The following ICA1 variants were observed in gnomAD, a reference collection of about 807,000 sequenced individuals.
ICA1 encodes 69 kDa islet cell autoantigen.
ICA1 carries 40 observed loss-of-function variants against 71.0 expected under a neutral mutation model. The observed-to-expected ratio is 0.56, with a 90% CI of 0.44 to 0.73. The LOEUF (loss-of-function observed/expected upper bound fraction) is 0.73. ICA1 is among the 30% of genes least tolerant of loss of function. The pLI is 0.00. For synonymous variants in ICA1, 207 were observed against 209.5 expected, an observed-to-expected ratio of 0.99 and a Z score of 0.10; for missense variants, 578 against 576.5, an observed-to-expected ratio of 1.00 and a Z score of -0.03.
intron 1 of ICA1, among the ~76,000 whole-genome samples, chr7:8,244,588 C>G (rs765146619): frequency 8.5e-5 from 13 of 152,126 alleles, no homozygotes; most frequent in Non-Finnish European, 2.9e-5. Flanking sequence ...AGCTTCTGCA[C>G]AGCAAAAGAA....
At chr7:8,243,349 T>A (rs1804705636) in intron 1 of ICA1, among the ~76,000 whole-genome samples, 1 of 152,190 alleles carries the variant, frequency 6.6e-6, no homozygotes, top group African/African-American at 2.4e-5. Context: ...AGAAAAGGCC[T>A]TTGACAAAAT....
At chr7:8,216,669 A>G (rs1256865423) in intron 6 of ICA1, among the ~76,000 whole-genome samples, 1 of 152,186 alleles carries the variant, frequency 6.6e-6, no homozygotes, top group East Asian at 1.9e-4. Context: ...GGAGGTGTTC[A>G]ATAAATATTA....
chr7:8,162,847 G>A (rs751992348), intron 6 of ICA1, among the ~76,000 whole-genome samples: 31 of 152,168 alleles, frequency 2.0e-4, no homozygotes, highest in African/African-American at 6.7e-4. Context: ...CACTGCAACC[G>A]CTGCCTCCTG....
At position 8,144,989 on chromosome 7, in the gene ICA1, G is replaced by A. The variant is rs1243429276; in HGVS notation, c.805-1017C>T. Among the ~76,000 whole-genome samples the A allele has an allele frequency of 1.3e-5, 2 of 152,120 alleles. No individual in the cohort carries two copies. The highest frequency in any genetic ancestry group is 4.8e-5 in the African/African-American group (2 of 41,426). On this transcript the variant is annotated intron_variant, in intron 8 of 13. Transcript: ENST00000402384. The surrounding 1 kb of genome is among the most constrained non-coding windows in gnomAD (Gnocchi z 4.5). Reference sequence around the variant, plus strand: ...GCTGACTGGAGGGCCAGTGAAGATGGTTCTCAGGCTGTGTCTCGGCAGAGC... The same window carrying A: ...GCTGACTGGAGGGCCAGTGAAGATGATTCTCAGGCTGTGTCTCGGCAGAGC...
intron 13 of ICA1, among the ~76,000 whole-genome samples, chr7:8,126,685 T>C (rs1789318712): frequency 6.6e-6 from 1 of 152,208 alleles, no homozygotes; most frequent in African/African-American, 2.4e-5. Flanking sequence ...CAGATAAACA[T>C]GCTGTTTATT....
intron 13 of ICA1, among the ~76,000 whole-genome samples, chr7:8,122,790 A>T (rs535679319): frequency 6.6e-6 from 1 of 152,368 alleles, no homozygotes; most frequent in East Asian, 1.9e-4. Flanking sequence ...ACAAAAGAAT[A>T]CCGTGAAGGA....
intron 6 of ICA1, among the ~76,000 whole-genome samples, chr7:8,202,313 C>T (rs1215732314): frequency 6.6e-6 from 1 of 152,162 alleles, no homozygotes; most frequent in African/African-American, 2.4e-5. Context: ...CACATTGAGA[C>T]AGTTATGTAA....
intron 6 of ICA1, among the ~76,000 whole-genome samples, chr7:8,166,436 G>A (rs1470850122): frequency 6.6e-6 from 1 of 152,008 alleles, no homozygotes; most frequent in Non-Finnish European, 1.5e-5. Flanking sequence ...TAACTGCTAG[G>A]CATATGCAGA....
In ICA1 at chr7:8,126,977, ATT is replaced by A. The variant is rs35052494; in HGVS notation, c.1330+894_1330+895del. Among the ~76,000 whole-genome samples the A allele has an allele frequency of 2.2e-3, 305 of 137,648 alleles. 4 individuals carry two copies. In the East Asian group the frequency reaches 0.037, roughly 17 times the overall value. 90.3% of individuals were successfully genotyped at this position (137,648 alleles called of 152,430 possible). On this transcript the variant is annotated intron_variant, in intron 13 of 13. Transcript: ENST00000402384. ...TACTGATGTTGACAACCCCTCCAGC[ATT>A]TTTTTTTTTTTTTCAGACAGAGTCT...
rs758924172 is a variant in ICA1 at position 8,113,905 on chromosome 7, C to T, written c.*18G>A. ...CTGCTGGGGGCGGCATGTGAGTGCC[C>T]TCCCGAAGGGTACAGATTCATGCAT... On this transcript the variant is annotated 3_prime_UTR_variant, in exon 14 of 14. Transcript: ENST00000402384. The surrounding 1 kb of genome is among the most constrained non-coding windows in gnomAD (Gnocchi z 4.2). The T allele has an allele frequency of 1.2e-6, 2 of 1,614,028 alleles. No homozygotes were observed. The highest frequency in any genetic ancestry group is 1.7e-5 in the Admixed American group (1 of 60,014).
chr7:8,194,900 A>T (rs938022266), intron 6 of ICA1, among the ~76,000 whole-genome samples: 6 of 152,160 alleles, frequency 3.9e-5, no homozygotes, highest in Admixed American at 6.5e-5. Context: ...GCTTCAAAAA[A>T]TTTTTTTATG....
Position 8,143,783 on chromosome 7 carries a change from G to A in ICA1, c.902+92C>T, listed in dbSNP as rs116110258. The A allele has an allele frequency of 2.2e-3, 1,650 of 766,268 alleles. 18 individuals are homozygous for A. The highest frequency in any genetic ancestry group is 0.021 in the Middle Eastern group (89 of 4,250). The allele number at this position is 766,268 out of a possible 1,614,324, so 47.5% of individuals were successfully genotyped here. A position where few individuals can be genotyped will look rare whatever the true frequency, so the allele number is the denominator to read the frequency against. ...AGAAGTGAGGAAGTAAGACAAGTCT[G>A]CGTCTGAGGCCCAGCCAGGTTCGGT... On this transcript the variant is annotated intron_variant, in intron 9 of 13. Coordinates refer to ENST00000402384, the MANE Select transcript of ICA1 (RefSeq NM_001136020.3).
At chr7:8,193,223 C>T (rs1245699022) in intron 6 of ICA1, among the ~76,000 whole-genome samples, 1 of 152,148 alleles carries the variant, frequency 6.6e-6, no homozygotes, top group East Asian at 1.9e-4. Flanking sequence ...CCATGCACAG[C>T]TACATTAGTT....
rs1794353655 is a variant in ICA1, at chr7:8,139,103, A to G, written c.956-56T>C. ...ACAACTCGAAATGGTGTGCATGTTC[A>G]TACGCTATTGCAGTGTAAGGTAAAT... On this transcript the variant is annotated intron_variant, in intron 10 of 13. Transcript: ENST00000402384. 4 of 1,358,466 alleles carry G rather than the reference A, an allele frequency of 2.9e-6. No homozygotes were observed. The Admixed American group carries it at 6.7e-5, about 23-fold the overall frequency. 84.2% of individuals were successfully genotyped at this position (1,358,466 alleles called of 1,614,324 possible).
intron 6 of ICA1, among the ~76,000 whole-genome samples, chr7:8,208,690 C>T (rs149738597): frequency 1.3e-5 from 2 of 152,186 alleles, no homozygotes; most frequent in African/African-American, 4.8e-5. Flanking sequence ...GTAAATCATA[C>T]TACCTGAACA....
chr7:8,207,714 T>C lies in ICA1; in HGVS notation c.579+10591A>G, dbSNP rs1413016743. Among the ~76,000 whole-genome samples, 4 of 152,228 alleles carry C rather than the reference T, an allele frequency of 2.6e-5. No homozygotes were observed. The East Asian group carries it at 7.7e-4, about 29-fold the overall frequency. On this transcript the variant is annotated intron_variant, in intron 6 of 13. Coordinates refer to ENST00000402384, the MANE Select transcript of ICA1 (RefSeq NM_001136020.3). The stretch of plus-strand genomic sequence containing the variant: ...CTGACCAGGACATAAACCGGTAACA[T>C]GCCAGCCTCCATTTCCTCATTTCCC...
intron 12 of ICA1, among the ~76,000 whole-genome samples, chr7:8,131,361 C>G (rs901040052): frequency 6.6e-5 from 10 of 152,300 alleles, no homozygotes; most frequent in Admixed American, 5.2e-4. Flanking sequence ...TTTTCTATCA[C>G]TTGCAATCAG....
intron 13 of ICA1, 69 bp downstream of exon 13, chr7:8,127,804 A>T: frequency 1.4e-6 from 2 of 1,464,528 alleles, no homozygotes; most frequent in South Asian, 2.7e-5. Flanking sequence ...AGGAAGAAAT[A>T]TGCTTTTGGA....
In ICA1 at chr7:8,196,484, C is replaced by T. The variant is rs115611134; in HGVS notation, c.579+21821G>A. On this transcript the variant is annotated intron_variant, in intron 6 of 13. Transcript: ENST00000402384. ...AGAATCTACAACACAAAGAGTGAAC[C>T]CTAATGTAAACTCTAGACTTTGGTT... 4.4e-3 allele frequency among the ~76,000 whole-genome samples: 667 copies of T among 152,142 alleles called. 3 individuals carry two copies. Among genetic ancestry groups the T allele is most frequent in the African/African-American group, 0.014 (593 of 41,502 alleles).
Sources: gnomAD v4.1 joint callset for allele counts (sites outside exome capture counted in the v4.1 genomes callset) on GRCh38, gnomAD v4.1.1 for gene constraint, Gnocchi (gnomAD v3.1) non-coding constraint, MANE v1.5 for transcripts, NCBI Gene and HGNC (gene_info 2026-07-23, HGNC 2026-07-21) for gene names.